PRPSAP2: variants seen among roughly 807,000 people sequenced by gnomAD.
PRPSAP2 encodes phosphoribosyl pyrophosphate synthetase associated protein 2, also known as phosphoribosyl pyrophosphate synthase-associated protein 2.
Under a neutral mutation model 40.6 loss-of-function variants are expected in PRPSAP2, and 24 were observed. The ratio of observed to expected loss-of-function variants is 0.59; its 90% confidence interval spans 0.43 to 0.83. PRPSAP2 has a LOEUF of 0.83. Among genes scored for constraint, PRPSAP2 ranks in the 40% least tolerant of loss-of-function variants. The pLI, the probability that PRPSAP2 is intolerant of heterozygous loss-of-function variation, is 0.00. For missense variants in PRPSAP2, 292 were observed against 465.6 expected, an observed-to-expected ratio of 0.63 and a Z score of 3.43; for synonymous variants, 149 against 164.7, an observed-to-expected ratio of 0.90 and a Z score of 0.73.
At chr17:18,929,147 A>G (rs2042125141) in intron 11 of PRPSAP2, among the ~76,000 whole-genome samples, 190 bp downstream of exon 11, 1 of 152,176 alleles carries the variant, frequency 6.6e-6, no homozygotes, top group Non-Finnish European at 1.5e-5. Flanking sequence ...ACCTGAGGTC[A>G]GGAGTTGGAG....
intron 8 of PRPSAP2, among the ~76,000 whole-genome samples, chr17:18,893,604 C>A (rs2039722378): frequency 7.1e-6 from 1 of 140,672 alleles, no homozygotes; most frequent in Non-Finnish European, 1.6e-5. Context: ...AAAAAAAAAA[C>A]ATTAACTGGA....
intron 10 of PRPSAP2, among the ~76,000 whole-genome samples, chr17:18,927,249 G>T (rs942731701): frequency 6.6e-6 from 1 of 152,118 alleles, no homozygotes; most frequent in Non-Finnish European, 1.5e-5. Flanking sequence ...CTTTCCCAAA[G>T]ACCCCACCAC....
chr17:18,873,077 C>G (rs10852854), intron 5 of PRPSAP2, among the ~76,000 whole-genome samples: 80,018 of 151,326 alleles, frequency 0.53, 21,439 homozygotes, highest in Middle Eastern at 0.6. Flanking sequence ...CCTGACCTCA[C>G]GCAATCTGCC....
At chr17:18,870,808 CAAAA>C (rs59205286) in intron 4 of PRPSAP2, among the ~76,000 whole-genome samples, 102 of 125,564 alleles carry the variant, frequency 8.1e-4, no homozygotes, top group Admixed American at 9.0e-4. Flanking sequence ...GACCTTGTCT[CAAAA>C]AAAAAAAAAA....
intron 7 of PRPSAP2, among the ~76,000 whole-genome samples, chr17:18,885,704 C>T (rs1426174304): frequency 6.6e-6 from 1 of 152,124 alleles, no homozygotes; most frequent in Non-Finnish European, 1.5e-5. Context: ...TGTCCTGCCT[C>T]AGCCTCCCGA....
chr17:18,876,427 CTTG>C (rs2038303256), intron 5 of PRPSAP2, among the ~76,000 whole-genome samples: 1 of 152,124 alleles, frequency 6.6e-6, no homozygotes, highest in African/African-American at 2.4e-5. Context: ...AGATGTCAGA[CTTG>C]TTGTATAGTG....
At chr17:18,869,654 T>C (rs4290526) in intron 4 of PRPSAP2, among the ~76,000 whole-genome samples, 79,735 of 149,794 alleles carry the variant, frequency 0.53, 21,377 homozygotes, top group Middle Eastern at 0.6. Flanking sequence ...AGGTGTGAGC[T>C]ACACACACAC....
intron 7 of PRPSAP2, among the ~76,000 whole-genome samples, chr17:18,886,503 A>C (rs2039154436): frequency 6.6e-6 from 1 of 151,926 alleles, no homozygotes; most frequent in Admixed American, 6.6e-5. Context: ...GACTACAGGC[A>C]CCTACCACCA....
chr17:18,909,240 C>CTTTTTT (rs71155371), intron 8 of PRPSAP2, among the ~76,000 whole-genome samples: 5 of 95,976 alleles, frequency 5.2e-5, no homozygotes, highest in African/African-American at 1.5e-4. Context: ...ACAGTGTGGC[C>CTTTTTT]TTTTTTTTTT....
At position 18,908,674 on chromosome 17, in the gene PRPSAP2, C is replaced by G. The variant is rs1026005967; in HGVS notation, c.585-2429C>G. ...CGCCAACGAGTGCCCCAAGCCAGAGCTGCTGGCCATCCACTTCCTGAATAT... is the reference window on the plus strand; with the variant it reads ...CGCCAACGAGTGCCCCAAGCCAGAGGTGCTGGCCATCCACTTCCTGAATAT... On this transcript the variant is annotated intron_variant, in intron 8 of 11. Transcript: ENST00000268835. 1.9e-5 allele frequency: 14 copies of G among 722,368 alleles called. No individual in the cohort carries two copies. In the East Asian group the frequency reaches 2.6e-4, roughly 13 times the overall value. 44.7% of individuals were successfully genotyped at this position (722,368 alleles called of 1,614,324 possible).
intron 3 of PRPSAP2, 33 bp from the exon 4 acceptor site, chr17:18,867,249 T>G: frequency 6.2e-7 from 1 of 1,606,480 alleles, no homozygotes; most frequent in Non-Finnish European, 8.5e-7. Flanking sequence ...CTTCTATTAC[T>G]TTTTCAGCTT....
intron 1 of PRPSAP2, among the ~76,000 whole-genome samples, chr17:18,862,139 C>T (rs577658657): frequency 1.3e-5 from 2 of 152,180 alleles, no homozygotes; most frequent in African/African-American, 2.4e-5. Context: ...CCGCCTGCCT[C>T]GCTCTCCCAA....
intron 2 of PRPSAP2, 75 bp from the exon 3 acceptor site, chr17:18,865,727 T>G: frequency 1.0e-6 from 1 of 978,094 alleles, no homozygotes; most frequent in Non-Finnish European, 1.3e-6. Context: ...GCTGAAGTCA[T>G]TTCCTTTAAA....
intron 6 of PRPSAP2, among the ~76,000 whole-genome samples, chr17:18,882,095 T>G (rs947043709): frequency 1.6e-4 from 22 of 140,180 alleles, no homozygotes; most frequent in African/African-American, 5.9e-4. Context: ...CACCTCGCCC[T>G]CCCAAAGTGC....
intron 1 of PRPSAP2, among the ~76,000 whole-genome samples, chr17:18,862,313 A>G (rs2037084073): frequency 6.6e-6 from 1 of 152,182 alleles, no homozygotes; most frequent in African/African-American, 2.4e-5. Flanking sequence ...GGCTTTGAAC[A>G]AAAGATTTAG....
rs1226659985 is a variant in PRPSAP2 at position 18,861,907 on chromosome 17, T to TTTGTTTGTTTG, written c.-128-3562_-128-3561insTTGTTTGTTTG. 4.9e-5 allele frequency among the ~76,000 whole-genome samples: 4 copies of TTTGTTTGTTTG among 81,302 alleles called. No individual in the cohort carries two copies. The Admixed American group carries it at 5.0e-4, about 10-fold the overall frequency. 53.3% of individuals were successfully genotyped at this position (81,302 alleles called of 152,430 possible). A position where few individuals can be genotyped will look rare whatever the true frequency, so the allele number is the denominator to read the frequency against. The stretch of plus-strand genomic sequence containing the variant: ...CTTTTGTTTGTTTGTTTGTTTGTTT[T>TTTGTTTGTTTG]GAGACAGTCTTGCTCTGTCACCCAG... On this transcript the variant is annotated intron_variant, in intron 1 of 11. Coordinates refer to ENST00000268835, the MANE Select transcript of PRPSAP2 (RefSeq NM_002767.4).
intron 9 of PRPSAP2, among the ~76,000 whole-genome samples, chr17:18,918,893 TGAATC>T (rs1455881549): frequency 2.6e-5 from 4 of 152,256 alleles, no homozygotes; most frequent in Admixed American, 6.5e-5. Flanking sequence ...TTTGATATGT[TGAATC>T]AAATCAAACA....
intron 9 of PRPSAP2, among the ~76,000 whole-genome samples, chr17:18,912,829 G>C (rs576273240): frequency 5.0e-4 from 76 of 152,250 alleles, no homozygotes; most frequent in African/African-American, 1.8e-3. Context: ...GAGGCCAGGA[G>C]TTCGAGACCA....
intron 5 of PRPSAP2, among the ~76,000 whole-genome samples, chr17:18,876,840 C>G (rs760708406): frequency 2.6e-5 from 4 of 152,118 alleles, no homozygotes; most frequent in Non-Finnish European, 5.9e-5. Context: ...GTGGGAACGC[C>G]TAGAGCAAGC....
Sources: gnomAD v4.1 joint callset for allele counts (sites outside exome capture counted in the v4.1 genomes callset) on GRCh38, gnomAD v4.1.1 for gene constraint, MANE v1.5 for transcripts, NCBI Gene and HGNC (gene_info 2026-07-23, HGNC 2026-07-21) for gene names.